TPCN2: variants seen among roughly 807,000 people sequenced by gnomAD.
TPCN2 encodes two pore channel protein 2.
TPCN2 carries 92 observed loss-of-function variants against 111.4 expected under a neutral mutation model. The ratio of observed to expected loss-of-function variants is 0.83; its 90% confidence interval spans 0.70 to 0.98. The LOEUF (loss-of-function observed/expected upper bound fraction) is 0.98. Among genes scored for constraint, TPCN2 ranks in the 50% least tolerant of loss-of-function variants. The pLI, the probability that TPCN2 is intolerant of heterozygous loss-of-function variation, is 0.00. For synonymous variants in TPCN2, 405 were observed against 414.5 expected, an observed-to-expected ratio of 0.98 and a Z score of 0.28; for missense variants, 995 against 980.1, an observed-to-expected ratio of 1.02 and a Z score of -0.20.
At chr11:69,069,850 G>C (rs542543313) in intron 8 of TPCN2, among the ~76,000 whole-genome samples, 13 of 2,616 alleles carry the variant, frequency 5.0e-3, no homozygotes, top group Non-Finnish European at 6.7e-3. Context: ...TGTGGGGAGG[G>C]CTGCAGGGAG....
Position 69,054,782 on chromosome 11 carries a change from C to G in TPCN2, c.236C>G (p.Ser79Trp), listed in dbSNP as rs564476965. 2 of 1,614,120 alleles carry G rather than the reference C, an allele frequency of 1.2e-6. No individual in the cohort carries two copies. Among genetic ancestry groups the G allele is most frequent in the Non-Finnish European group, 8.5e-7 (1 of 1,179,982 alleles). The change falls in exon 3 of 25, where the codon TCG becomes TGG. Residue 79 changes from serine (S) to tryptophan (W), a missense_variant. Ser to Trp is a radical substitution (Grantham distance 177). Coordinates refer to ENST00000294309, the MANE Select transcript of TPCN2 (RefSeq NM_139075.4). ...ATGTGGCTTTACCGACGGTATTACT[C>G]GAACGTATGCCAACGGTGAGAACGC... ...SSMWLYRRYY[S>W]NVCQRTLSFT...
intron 17 of TPCN2, 90 bp from the exon 18 acceptor site, chr11:69,081,310 C>T (rs539232337): frequency 3.5e-5 from 28 of 809,662 alleles, no homozygotes; most frequent in African/African-American, 1.7e-4. Context: ...GCCCTCCCTG[C>T]GCCTCCGTCC....
intron 5 of TPCN2, among the ~76,000 whole-genome samples, chr11:69,059,388 C>T (rs1009054314): frequency 1.1e-4 from 17 of 152,156 alleles, no homozygotes; most frequent in Non-Finnish European, 1.6e-4. Context: ...ATTTCCAGAG[C>T]GGGGACCCAG....
At chr11:69,075,888 C>T (rs1400510540) in intron 13 of TPCN2, among the ~76,000 whole-genome samples, 5 of 152,206 alleles carry the variant, frequency 3.3e-5, no homozygotes, top group East Asian at 1.9e-4. Context: ...ATCCACCTCA[C>T]GGGCTTTCTA....
At chr11:69,075,181 A>G (rs1412168835) in intron 13 of TPCN2, among the ~76,000 whole-genome samples, 1 of 152,058 alleles carries the variant, frequency 6.6e-6, no homozygotes, top group African/African-American at 2.4e-5. Context: ...TAGGTTCCAC[A>G]GGTTTTGGGA....
At chr11:69,082,696 G>A (rs1187717786) in intron 18 of TPCN2, among the ~76,000 whole-genome samples, 2 of 114,298 alleles carry the variant, frequency 1.7e-5, no homozygotes, top group Non-Finnish European at 3.6e-5. Context: ...ACGCATGATC[G>A]TGTGTGCACA....
chr11:69,064,344 G>T (rs954213021), intron 7 of TPCN2, among the ~76,000 whole-genome samples: 4 of 149,728 alleles, frequency 2.7e-5, no homozygotes, highest in Non-Finnish European at 5.9e-5. Context: ...CTGAGGGTGG[G>T]TCCTCTGGTT....
Position 69,079,738 on chromosome 11 carries a change from G to A in TPCN2, c.1540-96G>A. On this transcript the variant is annotated intron_variant, in intron 16 of 24. Transcript: ENST00000294309. ...TTTCTCCCCAAAAGCCCCTTTTGGG[G>A]AGAATGTGTTAGAGATGAGCTTTAT... The A allele has an allele frequency of 3.4e-6, 4 of 1,182,620 alleles. No individual in the cohort carries two copies. In the South Asian group the frequency reaches 5.8e-5, roughly 17 times the overall value. The allele number at this position is 1,182,620 out of a possible 1,614,324, so 73.3% of individuals were successfully genotyped here.
At position 69,078,935 on chromosome 11, in the gene TPCN2, T is replaced by C. The variant is rs757086423; in HGVS notation, c.1454T>C (p.Leu485Pro). ...VFIVYYLLEM[L>P]LKVFALGLRG... ...ATTGTGTACTACCTGTTGGAGATGC[T>C]GCTCAAGGTCTTTGCCCTGGGCCTG... Residue 485 changes from leucine (L) to proline (P), a missense_variant, in exon 16 of 25, where the codon CTG becomes CCG. Leu to Pro is a moderately conservative substitution (Grantham distance 98). Coordinates refer to ENST00000294309, the MANE Select transcript of TPCN2 (RefSeq NM_139075.4). The C allele has an allele frequency of 1.2e-6, 2 of 1,614,120 alleles. No individual in the cohort carries two copies. Among genetic ancestry groups the C allele is most frequent in the Admixed American group, 3.3e-5 (2 of 60,020 alleles).
rs1231384404 is a variant in TPCN2 at position 69,089,869 on chromosome 11, A to G, written c.*1916A>G. ...TGTTATGACATTTACTCTCAGGCTC[A>G]GGTCCTGCTTGTTTGGCCCGTGGGA... On this transcript the variant is annotated 3_prime_UTR_variant, in exon 25 of 25. Coordinates refer to ENST00000294309, the MANE Select transcript of TPCN2 (RefSeq NM_139075.4). The G allele has an allele frequency of 6.6e-6, 1 of 152,102 alleles. No individual in the cohort carries two copies. The highest frequency in any genetic ancestry group is 1.5e-5 in the Non-Finnish European group (1 of 68,038). 9.4% of individuals were successfully genotyped at this position (152,102 alleles called of 1,614,324 possible).
Position 69,066,568 on chromosome 11 carries a change from C to G in TPCN2, c.727-935C>G, listed in dbSNP as rs61887953. On this transcript the variant is annotated intron_variant, in intron 7 of 24. Coordinates refer to ENST00000294309, the MANE Select transcript of TPCN2 (RefSeq NM_139075.4). ...CTTGGAGGCCTCAGTGCTATTGATG[C>G]GGCTGTGAGGCAGGAAGGGCGGCCT... Among the ~76,000 whole-genome samples, 9 of 152,340 alleles carry G rather than the reference C, an allele frequency of 5.9e-5. 1 individual carries two copies. The South Asian group carries it at 1.7e-3, about 28-fold the overall frequency.
In TPCN2 at chr11:69,085,387, G is replaced by T; in HGVS notation, c.1838+101G>T. 2 of 1,211,392 alleles carry T rather than the reference G, an allele frequency of 1.7e-6. No homozygotes were observed. Among genetic ancestry groups the T allele is most frequent in the East Asian group, 4.6e-5 (2 of 43,040 alleles). 75.0% of individuals were successfully genotyped at this position (1,211,392 alleles called of 1,614,324 possible). ...CAGTGGGCTCAGCATCTCAGGATGG[G>T]AGGGTGTTCTCCCAGTTCCTTCGTC... On this transcript the variant is annotated intron_variant, in intron 20 of 24. Transcript: ENST00000294309.
intron 20 of TPCN2, 78 bp downstream of exon 20, chr11:69,085,364 G>T: frequency 1.4e-6 from 2 of 1,403,864 alleles, no homozygotes; most frequent in Non-Finnish European, 2.0e-6. Flanking sequence ...GGTGGCCTCA[G>T]TGGGCTCAGC....
chr11:69,083,756 G>A (rs1166608075), intron 18 of TPCN2, among the ~76,000 whole-genome samples, 189 bp from the exon 19 acceptor site: 2 of 152,122 alleles, frequency 1.3e-5, no homozygotes, highest in Non-Finnish European at 2.9e-5. Flanking sequence ...TGGACGTGGG[G>A]GCCTGACAGG....
chr11:69,084,096 C>T (rs965249165), intron 19 of TPCN2, 80 bp downstream of exon 19: 38 of 1,393,730 alleles, frequency 2.7e-5, no homozygotes, highest in East Asian at 9.1e-5. Flanking sequence ...AGTGCCGGGC[C>T]GGCTCACTGC....
At chr11:69,085,087 C>T (rs753097352) in intron 19 of TPCN2, 123 bp from the exon 20 acceptor site, 68 of 993,752 alleles carry the variant, frequency 6.8e-5, no homozygotes, top group Admixed American at 1.8e-4. Flanking sequence ...GCTGGAATCC[C>T]AGCCCTGGGC....
chr11:69,072,254 G>A lies in TPCN2; in HGVS notation c.1061+231G>A, dbSNP rs114655314. On this transcript the variant is annotated intron_variant, in intron 11 of 24. Coordinates refer to ENST00000294309, the MANE Select transcript of TPCN2 (RefSeq NM_139075.4). ...CCCCGGGGACCCTGGGCTGGTGAAG[G>A]GCCGAGTGGCCCGGCCTTCTTGTCC... Among the ~76,000 whole-genome samples, 1,405 of 152,300 alleles carry A rather than the reference G, an allele frequency of 9.2e-3. 20 individuals carry two copies. The highest frequency in any genetic ancestry group is 0.033 in the African/African-American group (1,351 of 41,566).
intron 19 of TPCN2, 42 bp downstream of exon 19, chr11:69,084,058 G>T (rs1207974413): frequency 6.3e-7 from 1 of 1,599,314 alleles, no homozygotes; most frequent in South Asian, 1.1e-5. Context: ...ATGCACTGGA[G>T]TGGGAGGCTG....
chr11:69,087,314 C>G, intron 24 of TPCN2, 108 bp downstream of exon 24: 1 of 903,988 alleles, frequency 1.1e-6, no homozygotes, highest in South Asian at 1.5e-5. Flanking sequence ...CTGTCCTCCC[C>G]CTCCGCCCGG....
Sources: allele counts gnomAD v4.1 joint callset (sites outside exome capture counted in the v4.1 genomes callset), GRCh38; gene constraint gnomAD v4.1.1; transcripts MANE v1.5; gene names NCBI Gene and HGNC (gene_info 2026-07-23, HGNC 2026-07-21).